Variants in SPIDR observed in about 807,000 individuals in gnomAD.
SPIDR encodes the protein scaffold protein involved in DNA repair, also known as DNA repair-scaffolding protein.
Under a neutral mutation model 104.6 loss-of-function variants are expected in SPIDR, and 93 were observed. The ratio of observed to expected loss-of-function variants is 0.89; its 90% CI spans 0.75 to 1.06. SPIDR has a LOEUF of 1.06. Among genes scored for constraint, SPIDR ranks in the 50% least tolerant of loss-of-function variants. The pLI, the probability that SPIDR is intolerant of heterozygous loss-of-function variation, is 0.00. For missense variants in SPIDR, 1,154 were observed against 1,111.2 expected, an observed-to-expected ratio of 1.04 and a Z score of -0.55; for synonymous variants, 431 against 416.9, an observed-to-expected ratio of 1.03 and a Z score of -0.41.
chr8:47,688,779 C>T (rs1472733911), intron 11 of SPIDR, among the ~76,000 whole-genome samples: 1 of 152,224 alleles, frequency 6.6e-6, no homozygotes, highest in African/African-American at 2.4e-5. Context: ...GGAGTTCAGC[C>T]TCCATTTCTG....
chr8:47,331,965 CTT>C (rs1183447584), intron 5 of SPIDR, among the ~76,000 whole-genome samples: 375 of 32,668 alleles, frequency 0.011, 1 homozygote, highest in East Asian at 0.076. Context: ...TTTTTTTAAA[CTT>C]TTTTTTTTTT....
intron 10 of SPIDR, among the ~76,000 whole-genome samples, chr8:47,605,907 C>T (rs758831578): frequency 4.6e-5 from 7 of 152,218 alleles, no homozygotes; most frequent in Admixed American, 1.3e-4. Flanking sequence ...AATCAGCACT[C>T]AGTGTTGGTA....
At chr8:47,436,094 C>G (rs568996517) in intron 7 of SPIDR, among the ~76,000 whole-genome samples, 14 of 152,320 alleles carry the variant, frequency 9.2e-5, no homozygotes, top group African/African-American at 2.9e-4. Context: ...GTGACAGTGG[C>G]TGCCATCCTT....
At chr8:47,401,482 A>C (rs1347562011) in intron 6 of SPIDR, among the ~76,000 whole-genome samples, 1 of 152,202 alleles carries the variant, frequency 6.6e-6, no homozygotes, top group Non-Finnish European at 1.5e-5. Flanking sequence ...ACACATAACA[A>C]TATAAACCTT....
rs371488685 is a variant in SPIDR at position 47,584,574 on chromosome 8, T to G, written c.1098-11237T>G. ...GTAACTTGAGTTGGGAAGAATGGCC[T>G]TAACACCTTGGACTGGGCAGAACAT... On this transcript the variant is annotated intron_variant, in intron 8 of 19. Transcript: ENST00000297423. 3.8e-3 allele frequency among the ~76,000 whole-genome samples: 576 copies of G among 152,344 alleles called. 3 individuals carry two copies. Among genetic ancestry groups the G allele is most frequent in the South Asian group, 0.023 (109 of 4,828 alleles).
intron 5 of SPIDR, among the ~76,000 whole-genome samples, chr8:47,322,011 A>T (rs1296145819): frequency 1.3e-5 from 2 of 152,192 alleles, no homozygotes; most frequent in Non-Finnish European, 2.9e-5. Context: ...AACCTAGGCA[A>T]TACCATTCAG....
chr8:47,660,838 G>C (rs534902343), intron 10 of SPIDR: 1 of 462,870 alleles, frequency 2.2e-6, no homozygotes, highest in African/African-American at 2.1e-5. Flanking sequence ...CAGGACTTAG[G>C]AGAGCTGGCC....
chr8:47,279,740 A>AG, intron 1 of SPIDR, 122 bp from the exon 2 acceptor site: 1 of 963,858 alleles, frequency 1.0e-6, no homozygotes, highest in Non-Finnish European at 1.5e-6. Flanking sequence ...ACATTCAAAA[A>AG]CTATACCTTT....
chr8:47,530,659 T>C (rs931301330), intron 8 of SPIDR, among the ~76,000 whole-genome samples: 9 of 152,092 alleles, frequency 5.9e-5, no homozygotes, highest in Non-Finnish European at 1.2e-4. Context: ...GTATAGAACA[T>C]TACTATGCAC....
intron 8 of SPIDR, among the ~76,000 whole-genome samples, chr8:47,500,726 G>A (rs1158591368): frequency 6.6e-6 from 1 of 152,190 alleles, no homozygotes. Context: ...CCATGCCTAT[G>A]TCCTGAATGG....
chr8:47,474,317 G>C (rs1445904815), intron 8 of SPIDR, among the ~76,000 whole-genome samples: 5 of 152,164 alleles, frequency 3.3e-5, no homozygotes, highest in African/African-American at 9.7e-5. Flanking sequence ...TTCAGAAGTA[G>C]TATTTTGAAA....
intron 10 of SPIDR, among the ~76,000 whole-genome samples, chr8:47,646,177 A>G (rs1588764526): frequency 2.0e-5 from 3 of 152,194 alleles, no homozygotes; most frequent in African/African-American, 4.8e-5. Context: ...AAGATGCTCA[A>G]TGTCTCATGA....
intron 10 of SPIDR, among the ~76,000 whole-genome samples, chr8:47,622,996 C>T (rs1217632793): frequency 2.6e-5 from 4 of 152,146 alleles, no homozygotes; most frequent in African/African-American, 4.8e-5. Flanking sequence ...GTATCCGCTA[C>T]GCCCTAGTCT....
chr8:47,536,693 T>C (rs927089324), intron 8 of SPIDR, among the ~76,000 whole-genome samples: 2 of 152,176 alleles, frequency 1.3e-5, no homozygotes, highest in African/African-American at 4.8e-5. Flanking sequence ...TAGATGACTT[T>C]AAGTTTGGCA....
intron 5 of SPIDR, among the ~76,000 whole-genome samples, chr8:47,333,447 A>G (rs904899143): frequency 5.9e-5 from 9 of 152,054 alleles, no homozygotes; most frequent in Admixed American, 1.3e-4. Context: ...GATTACAGGC[A>G]TGCACCACTA....
At chr8:47,561,839 G>A (rs911353695) in intron 8 of SPIDR, among the ~76,000 whole-genome samples, 6 of 152,098 alleles carry the variant, frequency 3.9e-5, no homozygotes, top group Non-Finnish European at 7.4e-5. Context: ...ATTATATCTC[G>A]TACACTGATA....
chr8:47,574,521 G>T (rs1290765839), intron 8 of SPIDR, among the ~76,000 whole-genome samples: 1 of 152,078 alleles, frequency 6.6e-6, no homozygotes. Flanking sequence ...ACTTTTGGAG[G>T]CTGAGGCGGG....
At chr8:47,551,878 G>T (rs1181245579) in intron 8 of SPIDR, among the ~76,000 whole-genome samples, 2 of 152,046 alleles carry the variant, frequency 1.3e-5, no homozygotes, top group Non-Finnish European at 2.9e-5. Flanking sequence ...GTCAATTTTA[G>T]AACTTTCCTG....
intron 8 of SPIDR, among the ~76,000 whole-genome samples, chr8:47,577,820 C>A (rs559679471): frequency 6.6e-6 from 1 of 152,266 alleles, no homozygotes; most frequent in South Asian, 2.1e-4. Context: ...TAGGGGGCCC[C>A]ACCCCAGACC....
Sources: gnomAD v4.1 joint callset for allele counts (sites outside exome capture counted in the v4.1 genomes callset) on GRCh38, gnomAD v4.1.1 for gene constraint, MANE v1.5 for transcripts, NCBI Gene and HGNC (gene_info 2026-07-23, HGNC 2026-07-21) for gene names.